The following KCNK10 variants were observed in gnomAD, a reference collection of about 807,000 sequenced individuals.
KCNK10 encodes potassium channel subfamily K member 10.
In KCNK10, 25 loss-of-function variants were observed where a neutral mutation model predicts 47.7. The ratio of observed to expected loss-of-function variants is 0.52; its 90% confidence interval spans 0.38 to 0.73. The LOEUF (loss-of-function observed/expected upper bound fraction) is 0.73. KCNK10 is among the 30% of genes least tolerant of loss of function. The pLI, the probability that KCNK10 is intolerant of heterozygous loss-of-function variation, is 0.00. For synonymous variants in KCNK10, 303 were observed against 285.6 expected (o/e 1.06, Z -0.61); for missense variants, 563 against 714.5 (o/e 0.79, Z 2.42).
At chr14:88,245,486 C>A (rs1287750116) in intron 2 of KCNK10, among the ~76,000 whole-genome samples, 1 of 152,162 alleles carries the variant, frequency 6.6e-6, no homozygotes, top group Non-Finnish European at 1.5e-5. Context: ...TTTTCCCCAC[C>A]AGTTTCCTCC....
chr14:88,289,943 T>C (rs990217162), intron 1 of KCNK10, among the ~76,000 whole-genome samples: 1 of 152,138 alleles, frequency 6.6e-6, no homozygotes, highest in Non-Finnish European at 1.5e-5. Context: ...AAGCATTGTG[T>C]CTTATTCACC....
chr14:88,227,024 G>T lies in KCNK10; in HGVS notation c.681+351C>A, dbSNP rs113644538. On this transcript the variant is annotated intron_variant, in intron 4 of 6. Coordinates refer to ENST00000319231, the MANE Select transcript of KCNK10 (RefSeq NM_138317.3). ...AGGGAGTTCCAACAACAAAATGGAT[G>T]GATTTACAGTTTTCTACATCATTAC... Among the ~76,000 whole-genome samples, 23 of 152,278 alleles carry T rather than the reference G, an allele frequency of 1.5e-4. No individual in the cohort carries two copies. The South Asian group carries it at 4.8e-3, about 32-fold the overall frequency.
At chr14:88,256,590 C>T (rs1886962480) in intron 2 of KCNK10, among the ~76,000 whole-genome samples, 1 of 152,096 alleles carries the variant, frequency 6.6e-6, no homozygotes, top group African/African-American at 2.4e-5. Context: ...AAAGACAGAG[C>T]ATCATGGTGT....
At position 88,192,424 on chromosome 14, in the gene KCNK10, A is replaced by C. The variant is rs2139827821; in HGVS notation, c.682-14T>G. On this transcript the variant is annotated splice_polypyrimidine_tract_variant and intron_variant, in intron 4 of 6. Transcript: ENST00000319231. ...CACTTGCTTTTTCTAGGAAGAGCAA[A>C]GGAGAAAGATAGGCAAGTCAGCGGC... is the stretch of plus-strand genomic sequence containing the variant. 1 of 1,610,868 alleles carries C rather than the reference A, an allele frequency of 6.2e-7. No individual in the cohort carries two copies. Among genetic ancestry groups the C allele is most frequent in the East Asian group, 2.2e-5 (1 of 44,798 alleles).
At chr14:88,206,440 C>G (rs1010700983) in intron 4 of KCNK10, among the ~76,000 whole-genome samples, 2 of 152,180 alleles carry the variant, frequency 1.3e-5, no homozygotes, top group Admixed American at 1.3e-4. Context: ...AGCCAAGAAC[C>G]TAACTCCCTT....
chr14:88,222,966 C>T (rs1885865144), intron 4 of KCNK10, among the ~76,000 whole-genome samples: 1 of 152,172 alleles, frequency 6.6e-6, no homozygotes, highest in Non-Finnish European at 1.5e-5. Flanking sequence ...GGTTCAAATT[C>T]TTAACCCATT....
At chr14:88,268,243 A>G (rs1021737156) in intron 1 of KCNK10, among the ~76,000 whole-genome samples, 1 of 152,220 alleles carries the variant, frequency 6.6e-6, no homozygotes, top group African/African-American at 2.4e-5. Flanking sequence ...TCCCAGAAAC[A>G]ATCCTGCCGT....
chr14:88,181,153 ACTGGATG>A lies in KCNK10; in HGVS notation c.*4375_*4381del. ...CCGTGGTTCAGAAACCCTGGTACACACTGGATGCTTCATATTCTCACCAAATCCAGTG... is the reference window on the plus strand; with the variant it reads ...CCGTGGTTCAGAAACCCTGGTACACACTTCATATTCTCACCAAATCCAGTG... On this transcript the variant is annotated 3_prime_UTR_variant, in exon 7 of 7. Transcript: ENST00000319231. 4.2e-6 allele frequency: 1 copy of A among 237,162 alleles called. No individual in the cohort carries two copies. The highest frequency in any genetic ancestry group is 5.6e-5 in the Admixed American group (1 of 17,786). 14.7% of individuals were successfully genotyped at this position (237,162 alleles called of 1,614,324 possible).
intron 1 of KCNK10, among the ~76,000 whole-genome samples, chr14:88,300,990 C>T (rs564434216): frequency 1.3e-5 from 2 of 152,150 alleles, no homozygotes; most frequent in Non-Finnish European, 2.9e-5. Context: ...TCAGTCAGAT[C>T]TAAGTTAGAC....
At chr14:88,270,906 C>T in intron 1 of KCNK10, 1 of 754,238 alleles carries the variant, frequency 1.3e-6, no homozygotes, top group Non-Finnish European at 2.5e-6. Context: ...AGGCTCCATG[C>T]CTTGCTCCCT....
At chr14:88,269,379 G>A (rs531204234) in intron 1 of KCNK10, among the ~76,000 whole-genome samples, 3 of 152,266 alleles carry the variant, frequency 2.0e-5, no homozygotes, top group East Asian at 3.9e-4. Context: ...GACGCATCCC[G>A]CCTTCAGAGT....
At chr14:88,310,547 G>A (rs1448533120) in intron 1 of KCNK10, among the ~76,000 whole-genome samples, 1 of 152,134 alleles carries the variant, frequency 6.6e-6, no homozygotes, top group African/African-American at 2.4e-5. Context: ...ACCCCCTGTG[G>A]CTGTCTGCTC....
At chr14:88,217,661 C>A (rs899077574) in intron 4 of KCNK10, among the ~76,000 whole-genome samples, 2 of 152,100 alleles carry the variant, frequency 1.3e-5, no homozygotes, top group Non-Finnish European at 2.9e-5. Flanking sequence ...CTCAAGCAAT[C>A]CTCATTCCTC....
intron 1 of KCNK10, among the ~76,000 whole-genome samples, chr14:88,267,203 A>G (rs1409897728): frequency 6.6e-6 from 1 of 152,164 alleles, no homozygotes; most frequent in African/African-American, 2.4e-5. Flanking sequence ...TGGCTGGAGT[A>G]TATTTGTAGT....
chr14:88,242,234 A>G (rs74076015), intron 2 of KCNK10, among the ~76,000 whole-genome samples: 129 of 152,362 alleles, frequency 8.5e-4, no homozygotes, highest in African/African-American at 3.0e-3. Flanking sequence ...GTCAATCATC[A>G]TTACATTTTG....
intron 1 of KCNK10, among the ~76,000 whole-genome samples, chr14:88,306,105 G>A (rs1412505636): frequency 6.6e-6 from 1 of 152,210 alleles, no homozygotes; most frequent in Non-Finnish European, 1.5e-5. Context: ...CAGGAGGATA[G>A]GGACAGGCAC....
At chr14:88,187,283 T>C (rs561788926) in intron 6 of KCNK10, among the ~76,000 whole-genome samples, 2 of 150,176 alleles carry the variant, frequency 1.3e-5, no homozygotes, top group East Asian at 4.1e-4. Flanking sequence ...TCCTTTCTTT[T>C]AGCTCTTTTT....
chr14:88,255,064 C>A (rs1886908975), intron 2 of KCNK10, among the ~76,000 whole-genome samples: 1 of 152,124 alleles, frequency 6.6e-6, no homozygotes, highest in African/African-American at 2.4e-5. Context: ...ATGATCATTC[C>A]CCTTCTAACA....
chr14:88,222,035 C>A (rs374736204), intron 4 of KCNK10, among the ~76,000 whole-genome samples: 2 of 152,106 alleles, frequency 1.3e-5, no homozygotes, highest in African/African-American at 4.8e-5. Flanking sequence ...AAACTGGGAA[C>A]AAAAAGAGGC....
Sources: allele counts gnomAD v4.1 joint callset (sites outside exome capture counted in the v4.1 genomes callset), GRCh38; gene constraint gnomAD v4.1.1; transcripts MANE v1.5; gene names NCBI Gene and HGNC (gene_info 2026-07-23, HGNC 2026-07-21).